Variants in RCC1 observed in about 807,000 individuals in gnomAD.
The protein encoded by RCC1 is regulator of chromosome condensation.
A neutral mutation model predicts 44.4 loss-of-function variants in RCC1; 11 were observed. That is an observed-to-expected ratio of 0.25 (90% CI 0.16 to 0.41). The LOEUF (loss-of-function observed/expected upper bound fraction) is 0.41, where lower values mean the gene tolerates loss of function less well. Among genes scored for constraint, RCC1 ranks in the 10% least tolerant of loss-of-function variants. RCC1 has a pLI of 1.00. For missense variants in RCC1, 386 were observed against 547.1 expected, an observed-to-expected ratio of 0.71 and a Z score of 2.94; for synonymous variants, 213 against 216.5, an observed-to-expected ratio of 0.98 and a Z score of 0.14.
intron 4 of RCC1, chr1:28,518,679 G>A (rs1663073956): frequency 6.6e-6 from 1 of 151,860 alleles, no homozygotes; most frequent in Non-Finnish European, 1.5e-5. Flanking sequence ...CTGCCGCGAG[G>A]AGGATGGTTT....
chr1:28,528,630 A>C (rs1230339569), intron 4 of RCC1, among the ~76,000 whole-genome samples: 1 of 152,178 alleles, frequency 6.6e-6, no homozygotes, highest in Non-Finnish European at 1.5e-5. Context: ...CCGTCTCAAA[A>C]AACAGAAAAA....
intron 3 of RCC1, among the ~76,000 whole-genome samples, chr1:28,513,885 A>G (rs1662706820): frequency 6.6e-6 from 1 of 152,106 alleles, no homozygotes; most frequent in Non-Finnish European, 1.5e-5. Flanking sequence ...ATGCCCAGCC[A>G]TATTATACAT....
At chr1:28,511,659 A>T (rs1480410438) in intron 3 of RCC1, among the ~76,000 whole-genome samples, 1 of 149,634 alleles carries the variant, frequency 6.7e-6, no homozygotes, top group Non-Finnish European at 1.5e-5. Flanking sequence ...GTCAGCCACC[A>T]TGCCCAGCTT....
At chr1:28,532,870 C>T (rs927303958) in intron 7 of RCC1, 9 of 359,880 alleles carry the variant, frequency 2.5e-5, no homozygotes, top group South Asian at 6.1e-5. Context: ...GGCTGGAGTG[C>T]AATAGCGCAA....
At chr1:28,534,849 C>G (rs545140303) in intron 7 of RCC1, among the ~76,000 whole-genome samples, 1 of 152,244 alleles carries the variant, frequency 6.6e-6, no homozygotes, top group Non-Finnish European at 1.5e-5. Context: ...ACTTGTTTAT[C>G]TCTATTTGCA....
chr1:28,532,449 G>A, intron 7 of RCC1, 99 bp downstream of exon 7: 1 of 1,335,144 alleles, frequency 7.5e-7, no homozygotes, highest in Non-Finnish European at 1.0e-6. Context: ...GGTACTTACT[G>A]GTGGGGAGAT....
At chr1:28,522,676 G>A (rs1392142719) in intron 4 of RCC1, among the ~76,000 whole-genome samples, 1 of 151,784 alleles carries the variant, frequency 6.6e-6, no homozygotes, top group Admixed American at 6.6e-5. Flanking sequence ...TTAGCCAAGC[G>A]TGGTGGTACA....
chr1:28,515,274 A>G lies in RCC1; in HGVS notation c.-152-1451A>G, dbSNP rs992133156. ...CATTACACTCCAGCCTAGGCAACAG[A>G]GTGAGACTCCGTCTCAAAAAAAAAA... is the stretch of plus-strand genomic sequence containing the variant. On this transcript the variant is annotated intron_variant, in intron 3 of 12. Transcript: ENST00000683442. Among the ~76,000 whole-genome samples, 4 of 151,772 alleles carry G rather than the reference A, an allele frequency of 2.6e-5. No individual in the cohort carries two copies. The East Asian group carries it at 7.7e-4, about 29-fold the overall frequency.
rs867012270 is a variant in RCC1, at chr1:28,530,857, G to A, written c.73+918G>A. On this transcript the variant is annotated intron_variant, in intron 5 of 12. Coordinates refer to ENST00000683442, the MANE Select transcript of RCC1 (RefSeq NM_001381865.2). ...AAGAGTCCGTTTCTGCAGTGGATTT[G>A]CCCGGGAGCTGAACTTATTCACTGG... Among the ~76,000 whole-genome samples the A allele has an allele frequency of 6.6e-5, 10 of 152,322 alleles. No homozygotes were observed. In the Middle Eastern group the frequency reaches 0.017, roughly 259 times the overall value.
rs72885755 is a variant in RCC1, at chr1:28,521,857, C to A, written c.-10+4990C>A. Reference sequence around the variant, plus strand: ...CTGCCCAGACTGCCTTAGCCCCTGCCTGGACCAAGGTCTGCCTTCAGAATC... The same window carrying A: ...CTGCCCAGACTGCCTTAGCCCCTGCATGGACCAAGGTCTGCCTTCAGAATC... On this transcript the variant is annotated intron_variant, in intron 4 of 12. Coordinates refer to ENST00000683442, the MANE Select transcript of RCC1 (RefSeq NM_001381865.2). 2.3e-3 allele frequency among the ~76,000 whole-genome samples: 354 copies of A among 152,354 alleles called. 3 individuals are homozygous for A. The highest frequency in any genetic ancestry group is 8.3e-3 in the African/African-American group (345 of 41,590).
intron 6 of RCC1, 37 bp downstream of exon 6, chr1:28,532,027 C>A: frequency 6.4e-7 from 1 of 1,557,596 alleles, no homozygotes; most frequent in Non-Finnish European, 8.7e-7. Context: ...TGGACAAGGC[C>A]TGGGGTTGGG....
chr1:28,519,302 G>A (rs2124626122), intron 4 of RCC1, among the ~76,000 whole-genome samples: 1 of 152,272 alleles, frequency 6.6e-6, no homozygotes, highest in African/African-American at 2.4e-5. Flanking sequence ...GCTGGGTCAC[G>A]AAGCGTCTTG....
chr1:28,532,411 CA>C, intron 7 of RCC1, 61 bp downstream of exon 7: 1 of 1,568,484 alleles, frequency 6.4e-7, no homozygotes, highest in Non-Finnish European at 8.7e-7. Context: ...GGCGGGGCCC[CA>C]AAGATAATCC....
chr1:28,531,749 T>G (rs1664187255), intron 5 of RCC1, 54 bp from the exon 6 acceptor site: 1 of 1,429,148 alleles, frequency 7.0e-7, no homozygotes, highest in African/African-American at 1.4e-5. Context: ...GCCTGTGACC[T>G]CTCCTCGCTG....
rs550543956 is a variant in RCC1 at position 28,515,706 on chromosome 1, G to A, written c.-152-1019G>A. On this transcript the variant is annotated intron_variant, in intron 3 of 12. Transcript: ENST00000683442. ...CACTCCAGCCTGGGCAACAGAATGA[G>A]ACTCCATCTCAAAATAAAATAAAAA... 2.0e-5 allele frequency among the ~76,000 whole-genome samples: 3 copies of A among 151,930 alleles called. No individual in the cohort carries two copies. The South Asian group carries it at 6.2e-4, about 32-fold the overall frequency.
intron 4 of RCC1, among the ~76,000 whole-genome samples, chr1:28,523,348 G>A (rs1277567396): frequency 2.6e-5 from 4 of 152,174 alleles, no homozygotes; most frequent in African/African-American, 9.6e-5. Context: ...ACTCAAGGAC[G>A]CCAGCTCTGG....
chr1:28,520,562 G>A (rs1339463088), intron 4 of RCC1, among the ~76,000 whole-genome samples: 1 of 152,122 alleles, frequency 6.6e-6, no homozygotes, highest in East Asian at 1.9e-4. Context: ...TGTAAAACTG[G>A]GATGAGTCTG....
At position 28,536,710 on chromosome 1, in the gene RCC1, C is replaced by T. The variant is rs1664577709; in HGVS notation, c.938-37C>T. 6.2e-7 allele frequency: 1 copy of T among 1,607,880 alleles called. No individual in the cohort carries two copies. The highest frequency in any genetic ancestry group is 8.5e-7 in the Non-Finnish European group (1 of 1,175,926). On this transcript the variant is annotated intron_variant, in intron 11 of 12. Transcript: ENST00000683442. This position sits in a 1 kb window ranked among gnomAD's most constrained non-coding sequence, Gnocchi z 4.9. ...GCCACCCATTTTGCCTGTAGCACGC[C>T]CTCTGCTATTGCTCATCTCTCTCCC...
At chr1:28,507,832 C>T (rs897707164) in intron 1 of RCC1, 2 of 314,852 alleles carry the variant, frequency 6.4e-6, no homozygotes, top group African/African-American at 4.4e-5. Flanking sequence ...GTCTCAAACT[C>T]CTGACCTTGT....
Sources: allele counts gnomAD v4.1 joint callset (sites outside exome capture counted in the v4.1 genomes callset), GRCh38; gene constraint gnomAD v4.1.1; non-coding constraint Gnocchi (gnomAD v3.1); transcripts MANE v1.5; gene names NCBI Gene and HGNC (gene_info 2026-07-23, HGNC 2026-07-21).